The following NSD2 variants were observed in gnomAD, a reference collection of about 807,000 sequenced individuals.
NSD2 encodes the protein histone-lysine N-methyltransferase NSD2.
Under a neutral mutation model 139.0 loss-of-function variants are expected in NSD2, and 12 were observed. The observed-to-expected ratio is 0.09, with a 90% CI of 0.06 to 0.14. NSD2 has a LOEUF of 0.14. Ranked by LOEUF, NSD2 falls within the 10% of genes least tolerant of loss-of-function variation. NSD2 has a pLI of 1.00. For synonymous variants in NSD2, 669 were observed against 648.7 expected, an observed-to-expected ratio of 1.03 and a Z score of -0.48; for missense variants, 1,155 against 1,745.0, an observed-to-expected ratio of 0.66 and a Z score of 6.02.
Position 1,981,827 on chromosome 4 carries a change from C to A in NSD2, c.*2918C>A, listed in dbSNP as rs1395086185. ...CTGTCAGTTGCCAAATATCTTGATC[C>A]TATGAGTGTAGTTGATGACTGTTTG... On this transcript the variant is annotated 3_prime_UTR_variant, in exon 22 of 22. Transcript: ENST00000508803. 1.3e-5 allele frequency: 5 copies of A among 398,308 alleles called. No homozygotes were observed. The highest frequency in any genetic ancestry group is 2.2e-5 in the Non-Finnish European group (5 of 226,078). The allele number at this position is 398,308 out of a possible 1,614,324, so 24.7% of individuals were successfully genotyped here. A position where few individuals can be genotyped will look rare whatever the true frequency, so the allele number is the denominator to read the frequency against.
In NSD2 at chr4:1,978,911, G is replaced by T; in HGVS notation, c.*2G>T. On this transcript the variant is annotated 3_prime_UTR_variant, in exon 22 of 22. Transcript: ENST00000508803. ...CGGAGAGTCACAGAGGGCAAATAGCGCCAGGCGGCCGCTTGGCCGGATCCA... is the reference window on the plus strand; with the variant it reads ...CGGAGAGTCACAGAGGGCAAATAGCTCCAGGCGGCCGCTTGGCCGGATCCA... 6.6e-6 allele frequency: 10 copies of T among 1,506,432 alleles called. No individual in the cohort carries two copies. The highest frequency in any genetic ancestry group is 8.9e-6 in the Non-Finnish European group (10 of 1,125,540). The allele number at this position is 1,506,432 out of a possible 1,614,324, so 93.3% of individuals were successfully genotyped here. A position where few individuals can be genotyped will look rare whatever the true frequency, so the allele number is the denominator to read the frequency against.
chr4:1,931,210 A>C (rs1268360707), intron 6 of NSD2, among the ~76,000 whole-genome samples: 1 of 152,196 alleles, frequency 6.6e-6, no homozygotes, highest in Non-Finnish European at 1.5e-5. Flanking sequence ...TTTCGGCTGT[A>C]GTCTGCACCT....
Position 1,976,391 on chromosome 4 carries a change from C to A in NSD2, c.3622-84C>A, listed in dbSNP as rs927819650. ...GCACCTGCAGAGATCTCTGAAGTTC[C>A]TGGAGTGTAGCTCGCTCTTCTGCCC... On this transcript the variant is annotated intron_variant, in intron 20 of 21. Coordinates refer to ENST00000508803, the MANE Select transcript of NSD2 (RefSeq NM_001042424.3). This position sits in a 1 kb window ranked among gnomAD's most constrained non-coding sequence, Gnocchi z 5.3. 9 of 1,464,974 alleles carry A rather than the reference C, an allele frequency of 6.1e-6. No individual in the cohort carries two copies. In the African/African-American group the frequency reaches 1.3e-4, roughly 20 times the overall value. The allele number at this position is 1,464,974 out of a possible 1,614,324, so 90.7% of individuals were successfully genotyped here.
chr4:1,888,518 A>AT (rs1012589959), intron 1 of NSD2, among the ~76,000 whole-genome samples: 2 of 148,094 alleles, frequency 1.4e-5, no homozygotes, highest in African/African-American at 2.5e-5. Context: ...GTTGGTAATG[A>AT]TTTTTTCCTC....
At position 1,948,855 on chromosome 4, in the gene NSD2, A is replaced by G. The variant is rs1448833718; in HGVS notation, c.1882-2217A>G. 3.0e-6 allele frequency: 3 copies of G among 984,304 alleles called. No homozygotes were observed. Among genetic ancestry groups the G allele is most frequent in the East Asian group, 6.7e-5 (1 of 14,930 alleles). The allele number at this position is 984,304 out of a possible 1,614,324, so 61.0% of individuals were successfully genotyped here. A position where few individuals can be genotyped will look rare whatever the true frequency, so the allele number is the denominator to read the frequency against. ...CTTTGTGTTTTCTGTCTTTCTCTCC[A>G]TGCATTTTTTTTCTCATTTTTAAAG... On this transcript the variant is annotated intron_variant, in intron 9 of 21. Coordinates refer to ENST00000508803, the MANE Select transcript of NSD2 (RefSeq NM_001042424.3). The surrounding 1 kb of genome is among the most constrained non-coding windows in gnomAD (Gnocchi z 4.5).
In NSD2 at chr4:1,942,130, T is replaced by C; in HGVS notation, c.1881+2352T>C. The C allele has an allele frequency of 1.6e-6, 2 of 1,275,710 alleles. No individual in the cohort carries two copies. Among genetic ancestry groups the C allele is most frequent in the Non-Finnish European group, 9.9e-7 (1 of 1,007,932 alleles). The allele number at this position is 1,275,710 out of a possible 1,614,324, so 79.0% of individuals were successfully genotyped here. On this transcript the variant is annotated intron_variant, in intron 9 of 21. Coordinates refer to ENST00000508803, the MANE Select transcript of NSD2 (RefSeq NM_001042424.3). The surrounding 1 kb of genome is among the most constrained non-coding windows in gnomAD (Gnocchi z 4.0). ...GTCATGTTGTAGTTTAAATTCTTCT[T>C]GAAAAAGGTATATGTGATAAATAAA...
chr4:1,931,124 G>A (rs1177239306), intron 6 of NSD2, among the ~76,000 whole-genome samples: 2 of 152,150 alleles, frequency 1.3e-5, no homozygotes, highest in Admixed American at 1.3e-4. Context: ...CTTACATGAT[G>A]TGGTAGGGTC....
At chr4:1,940,477 A>G in intron 9 of NSD2, 1 of 1,064,222 alleles carries the variant, frequency 9.4e-7, no homozygotes, top group South Asian at 4.5e-5. Context: ...TGCCAAAAAC[A>G]ACAAATAGCC....
chr4:1,947,696 T>C (rs1332493148), intron 9 of NSD2: 1 of 1,054,094 alleles, frequency 9.5e-7, no homozygotes, highest in Non-Finnish European at 1.1e-6. Flanking sequence ...GCAAACACTG[T>C]GGAGGTACTT....
At chr4:1,945,007 G>T (rs992246958) in intron 9 of NSD2, 4 of 1,065,228 alleles carry the variant, frequency 3.8e-6, no homozygotes, top group Non-Finnish European at 3.4e-6. Flanking sequence ...GTCGTGAAAG[G>T]CAGAGGGTGA....
At chr4:1,923,473 A>G (rs143859686) in intron 5 of NSD2, among the ~76,000 whole-genome samples, 14 of 152,326 alleles carry the variant, frequency 9.2e-5, no homozygotes, top group Non-Finnish European at 1.9e-4. Context: ...AACTGCGGCC[A>G]TGCCCAGGAA....
chr4:1,900,637 C>T lies in NSD2; in HGVS notation c.-18C>T, dbSNP rs780126389. On this transcript the variant is annotated 5_prime_UTR_variant, in exon 2 of 22. The change creates a new upstream start codon in the 5' untranslated region. Coordinates refer to ENST00000508803, the MANE Select transcript of NSD2 (RefSeq NM_001042424.3). The stretch of plus-strand genomic sequence containing the variant: ...TTTTAATACCATAGTGTTCTAAGAA[C>T]GGAAGCATCTGGGCTGGATGGAATT... The T allele has an allele frequency of 2.0e-5, 30 of 1,530,482 alleles. No homozygotes were observed. Among genetic ancestry groups the T allele is most frequent in the Non-Finnish European group, 2.3e-5 (26 of 1,139,212 alleles). The allele number at this position is 1,530,482 out of a possible 1,614,324, so 94.8% of individuals were successfully genotyped here. A position where few individuals can be genotyped will look rare whatever the true frequency, so the allele number is the denominator to read the frequency against.
chr4:1,896,807 T>G lies in NSD2; in HGVS notation c.-29-3819T>G, dbSNP rs921456171. On this transcript the variant is annotated intron_variant, in intron 1 of 21. Coordinates refer to ENST00000508803, the MANE Select transcript of NSD2 (RefSeq NM_001042424.3). The stretch of plus-strand genomic sequence containing the variant: ...TTTCTTTTCTTTCTTTCTCTCTCAT[T>G]CTTTCTTTCTTTCTTTTCCTTTCTT... Among the ~76,000 whole-genome samples, 8 of 151,732 alleles carry G rather than the reference T, an allele frequency of 5.3e-5. No individual in the cohort carries two copies. In the South Asian group the frequency reaches 1.7e-3, roughly 32 times the overall value.
At chr4:1,917,778 CT>C (rs34000332) in intron 4 of NSD2, among the ~76,000 whole-genome samples, 4,633 of 122,626 alleles carry the variant, frequency 0.038, 164 homozygotes, top group African/African-American at 0.12. Flanking sequence ...TAAAAGTATT[CT>C]TTTTTTTTTT....
intron 3 of NSD2, among the ~76,000 whole-genome samples, chr4:1,906,654 CTTTTTTTTTTTTTT>C (rs537619996): frequency 1.0e-5 from 1 of 99,910 alleles, no homozygotes; most frequent in Admixed American, 1.2e-4. Flanking sequence ...CTCTCTCTCT[CTTTTTTTTTTTTTT>C]TTTTTTTTTT....
At chr4:1,943,778 A>G (rs982451920) in intron 9 of NSD2, 1 of 1,060,556 alleles carries the variant, frequency 9.4e-7, no homozygotes, top group African/African-American at 1.6e-5. Flanking sequence ...TGGTATAAAA[A>G]TGGCTCTGGT....
At position 1,948,665 on chromosome 4, in the gene NSD2, T is replaced by C; in HGVS notation, c.1882-2407T>C. 9.4e-7 allele frequency: 1 copy of C among 1,059,164 alleles called. No homozygotes were observed. Among genetic ancestry groups the C allele is most frequent in the Non-Finnish European group, 1.1e-6 (1 of 874,464 alleles). 65.6% of individuals were successfully genotyped at this position (1,059,164 alleles called of 1,614,324 possible). ...GACCCTGATCAGGAAATGAGCCTCA[T>C]GTGTGTCGTTAACATTTATATATTT... is the stretch of plus-strand genomic sequence containing the variant. On this transcript the variant is annotated intron_variant, in intron 9 of 21. Coordinates refer to ENST00000508803, the MANE Select transcript of NSD2 (RefSeq NM_001042424.3). This position sits in a 1 kb window ranked among gnomAD's most constrained non-coding sequence, Gnocchi z 4.5.
At chr4:1,901,984 A>T (rs1158374156) in intron 2 of NSD2, among the ~76,000 whole-genome samples, 1 of 152,082 alleles carries the variant, frequency 6.6e-6, no homozygotes, top group African/African-American at 2.4e-5. Context: ...TGGCCCTGAC[A>T]CTCGGATGAG....
At chr4:1,878,245 ATATATATTTTTTTTTTTTTTTTT>A (rs1220544879) in intron 1 of NSD2, among the ~76,000 whole-genome samples, 1 of 38,472 alleles carries the variant, frequency 2.6e-5, no homozygotes, top group African/African-American at 1.2e-4. Flanking sequence ...ATATATATAT[ATATATATTTTTTTTTTTTTTTTT>A]TTTTTTTTTT....
Sources: allele counts gnomAD v4.1 joint callset (sites outside exome capture counted in the v4.1 genomes callset), GRCh38; gene constraint gnomAD v4.1.1; non-coding constraint Gnocchi (gnomAD v3.1); transcripts MANE v1.5; gene names NCBI Gene and HGNC (gene_info 2026-07-23, HGNC 2026-07-21).